The following LCOR variants were observed in gnomAD, a reference collection of about 807,000 sequenced individuals.
The protein encoded by LCOR is ligand dependent nuclear receptor corepressor, also known as ligand-dependent corepressor.
In LCOR, 14 loss-of-function variants were observed where a neutral mutation model predicts 64.4. The ratio of observed to expected loss-of-function variants is 0.22; its 90% CI spans 0.14 to 0.34. The LOEUF (loss-of-function observed/expected upper bound fraction) is 0.34, where lower values mean the gene tolerates loss of function less well. Among genes scored for constraint, LCOR ranks in the 10% least tolerant of loss-of-function variants. The pLI is 1.00. For missense variants in LCOR, 1,686 were observed against 1,765.3 expected (o/e 0.96, Z 0.80); for synonymous variants, 643 against 642.5 (o/e 1.00, Z -0.01).
At chr10:96,873,689 G>A (rs747401634) in intron 2 of LCOR, among the ~76,000 whole-genome samples, 5 of 150,290 alleles carry the variant, frequency 3.3e-5, no homozygotes, top group East Asian at 2.0e-4. Context: ...TGTAACCTCC[G>A]TCTCCCTGGT....
chr10:96,856,469 C>T (rs1335693471), intron 2 of LCOR, among the ~76,000 whole-genome samples: 2 of 151,472 alleles, frequency 1.3e-5, no homozygotes, highest in Non-Finnish European at 2.9e-5. Flanking sequence ...CCCCCTCCCC[C>T]TTCCTCCCTG....
At chr10:96,966,706 A>G (rs987999875) in intron 7 of LCOR, among the ~76,000 whole-genome samples, 2 of 152,200 alleles carry the variant, frequency 1.3e-5, no homozygotes, top group Non-Finnish European at 2.9e-5. Flanking sequence ...ATTTTAACAC[A>G]GAATTTTATT....
chr10:96,866,053 T>C (rs1845968193), intron 2 of LCOR, among the ~76,000 whole-genome samples: 1 of 152,186 alleles, frequency 6.6e-6, no homozygotes. Context: ...TTTCTTTCTT[T>C]GTCAGACTTT....
intron 2 of LCOR, among the ~76,000 whole-genome samples, chr10:96,891,530 CTTTTTTTTTTTTT>C (rs71007307): frequency 4.1e-3 from 31 of 7,640 alleles, no homozygotes; most frequent in African/African-American, 0.012. Context: ...TGTCTTGACT[CTTTTTTTTTTTTT>C]TTTTTTTTTT....
At chr10:96,942,905 C>T (rs1476004426) in intron 4 of LCOR, among the ~76,000 whole-genome samples, 2 of 152,156 alleles carry the variant, frequency 1.3e-5, no homozygotes, top group Non-Finnish European at 1.5e-5. Flanking sequence ...TAGAACTTAA[C>T]ACTTAAATAT....
chr10:96,913,192 C>CG (rs1846875379), intron 4 of LCOR, among the ~76,000 whole-genome samples: 1 of 151,910 alleles, frequency 6.6e-6, no homozygotes, highest in Non-Finnish European at 1.5e-5. Flanking sequence ...TTCAAGGTGT[C>CG]GGTACTAGGT....
At chr10:96,888,820 A>T (rs1846390222) in intron 2 of LCOR, among the ~76,000 whole-genome samples, 2 of 152,170 alleles carry the variant, frequency 1.3e-5, no homozygotes, top group African/African-American at 4.8e-5. Flanking sequence ...GTCTTTTCTA[A>T]TTGCCCCACC....
chr10:96,833,021 G>C, intron 1 of LCOR: 1 of 985,642 alleles, frequency 1.0e-6, no homozygotes, highest in Non-Finnish European at 1.2e-6. Context: ...GGGTGCGCCT[G>C]ACCGAGCCAA....
intron 2 of LCOR, among the ~76,000 whole-genome samples, chr10:96,848,970 CTG>C (rs997967533): frequency 2.8e-4 from 38 of 133,540 alleles, no homozygotes; most frequent in African/African-American, 1.0e-3. Flanking sequence ...TATCAAGAAA[CTG>C]AATTAATTTT....
At chr10:96,893,676 T>C (rs1224259232) in intron 2 of LCOR, among the ~76,000 whole-genome samples, 2 of 151,750 alleles carry the variant, frequency 1.3e-5, no homozygotes, top group African/African-American at 4.8e-5. Flanking sequence ...GGCAGGAGAA[T>C]TGCTTGAACC....
chr10:96,954,900 C>G (rs1298367042), intron 7 of LCOR: 2 of 1,466,504 alleles, frequency 1.4e-6, no homozygotes, highest in Non-Finnish European at 1.9e-6. Context: ...CCTCACCCAT[C>G]CCTCCCTACC....
chr10:96,982,878 T>G lies in LCOR; in HGVS notation c.2418T>G (p.Gly806=). 6.2e-7 allele frequency: 1 copy of G among 1,613,808 alleles called. No homozygotes were observed. The highest frequency in any genetic ancestry group is 1.3e-5 in the African/African-American group (1 of 74,990). The change falls in exon 8 of 8, where the codon GGT becomes GGG. Residue 806 remains glycine, a synonymous_variant. Coordinates refer to ENST00000421806, the MANE Select transcript of LCOR (RefSeq NM_001346516.2). ...LEENLDKKKK[G]KKFPEASDRC... is the part of the protein sequence containing the mutation. ...AGAATTTGGACAAGAAGAAAAAAGG[T>G]AAAAAATTCCCTGAGGCCTCTGATA... is the stretch of plus-strand genomic sequence containing the variant.
At chr10:96,948,851 ACAACT>A (rs1276255386) in intron 5 of LCOR, among the ~76,000 whole-genome samples, 152 bp from the exon 6 acceptor site, 2 of 152,172 alleles carry the variant, frequency 1.3e-5, no homozygotes, top group Admixed American at 1.3e-4. Context: ...TTAAAAATAG[ACAACT>A]CAAAAGCTTA....
chr10:96,946,837 C>T lies in LCOR; in HGVS notation c.-50-2171C>T, dbSNP rs138329778. Among the ~76,000 whole-genome samples, 5 of 152,156 alleles carry T rather than the reference C, an allele frequency of 3.3e-5. No homozygotes were observed. In the East Asian group the frequency reaches 9.6e-4, roughly 29 times the overall value. ...AATATCTTTGACTCTTCACAGAGCT[C>T]TTTATGTTTATTAATACTACTTAAA... is the stretch of plus-strand genomic sequence containing the variant. On this transcript the variant is annotated intron_variant, in intron 5 of 7. Coordinates refer to ENST00000421806, the MANE Select transcript of LCOR (RefSeq NM_001346516.2).
At chr10:96,856,515 C>G (rs895019474) in intron 2 of LCOR, among the ~76,000 whole-genome samples, 1 of 150,980 alleles carries the variant, frequency 6.6e-6, no homozygotes, top group African/African-American at 2.4e-5. Context: ...CTTTCAGTCC[C>G]CACTGTCTTA....
At chr10:96,946,276 G>C (rs1564634365) in intron 5 of LCOR, among the ~76,000 whole-genome samples, 2 of 152,006 alleles carry the variant, frequency 1.3e-5, no homozygotes, top group African/African-American at 4.8e-5. Flanking sequence ...TAATAATTCA[G>C]ATGCTTAGAT....
intron 4 of LCOR, among the ~76,000 whole-genome samples, chr10:96,914,627 A>G (rs1846906065): frequency 1.3e-5 from 2 of 152,276 alleles, no homozygotes; most frequent in South Asian, 4.1e-4. Context: ...AGTTGTTAAC[A>G]GTATAGAAGA....
chr10:96,973,526 GAGA>G lies in LCOR; in HGVS notation c.333-7261_333-7259del, dbSNP rs373395890. Among the ~76,000 whole-genome samples, 731 of 152,298 alleles carry G rather than the reference GAGA, an allele frequency of 4.8e-3. 3 individuals carry two copies. The highest frequency in any genetic ancestry group is 7.8e-3 in the Non-Finnish European group (534 of 68,030). The stretch of plus-strand genomic sequence containing the variant: ...ATACTTATACTTTCTGTGCTTAAAG[GAGA>G]AGAAGTGAGTAAACTAGGGGACACA... On this transcript the variant is annotated intron_variant, in intron 7 of 7. Coordinates refer to ENST00000421806, the MANE Select transcript of LCOR (RefSeq NM_001346516.2).
chr10:96,966,133 A>G (rs1467009472), intron 7 of LCOR, among the ~76,000 whole-genome samples: 3 of 150,712 alleles, frequency 2.0e-5, no homozygotes, highest in Admixed American at 2.0e-4. Flanking sequence ...GGGAGATTGC[A>G]TAAGAGAAGT....
Sources: gnomAD v4.1 joint callset for allele counts (sites outside exome capture counted in the v4.1 genomes callset) on GRCh38, gnomAD v4.1.1 for gene constraint, MANE v1.5 for transcripts, NCBI Gene and HGNC (gene_info 2026-07-23, HGNC 2026-07-21) for gene names.